Variants in MCUR1 observed in about 807,000 individuals in gnomAD.
MCUR1 encodes the protein mitochondrial calcium uniporter regulator 1, also known as MCU regulator 1.
Under a neutral mutation model 42.0 loss-of-function variants are expected in MCUR1, and 37 were observed. That is an observed-to-expected ratio of 0.88 (90% CI 0.68 to 1.16). The LOEUF (loss-of-function observed/expected upper bound fraction) is 1.16, where lower values mean the gene tolerates loss of function less well. MCUR1 is among the 50% of genes most tolerant of loss of function. The pLI is 0.00. For missense variants in MCUR1, 469 were observed against 468.4 expected (o/e 1.00, Z -0.01); for synonymous variants, 229 against 196.2 (o/e 1.17, Z -1.40).
rs959894652 is a variant in MCUR1 at position 13,809,595 on chromosome 6, C to CT, written c.416-2552dup. On this transcript the variant is annotated intron_variant, in intron 1 of 8. Coordinates refer to ENST00000379170, the MANE Select transcript of MCUR1 (RefSeq NM_001031713.4). ...TTTGGATTTTATGAACTGCTAAAATCTTTTTTTTTTTAATTGGGTCAGGTG... is the reference window on the plus strand; with the variant it reads ...TTTGGATTTTATGAACTGCTAAAATCTTTTTTTTTTTTAATTGGGTCAGGTG... Among the ~76,000 whole-genome samples the CT allele has an allele frequency of 1.6e-4, 23 of 145,584 alleles. No homozygotes were observed. The South Asian group carries it at 2.2e-3, about 14-fold the overall frequency.
intron 1 of MCUR1, among the ~76,000 whole-genome samples, chr6:13,809,238 A>G (rs1445591625): frequency 6.6e-6 from 1 of 152,228 alleles, no homozygotes; most frequent in African/African-American, 2.4e-5. Context: ...ATCAATGAAC[A>G]TGGATGTCTT....
At chr6:13,808,132 C>A (rs966957466) in intron 1 of MCUR1, among the ~76,000 whole-genome samples, 1 of 152,178 alleles carries the variant, frequency 6.6e-6, no homozygotes, top group African/African-American at 2.4e-5. Flanking sequence ...GAGTTTGCCA[C>A]CCCTTCCCCG....
chr6:13,789,660 CTGCA>C lies in MCUR1; in HGVS notation c.*1145_*1148del, dbSNP rs2113448929. The C allele has an allele frequency of 6.6e-6, 1 of 152,304 alleles. No homozygotes were observed. The highest frequency in any genetic ancestry group is 1.9e-4 in the East Asian group (1 of 5,188). The allele number at this position is 152,304 out of a possible 1,614,324, so 9.4% of individuals were successfully genotyped here. On this transcript the variant is annotated 3_prime_UTR_variant, in exon 9 of 9. Transcript: ENST00000379170. ...AGGTATCTTATACATGGAGAGCTGA[CTGCA>C]TCCCTTGTATAAAAAGTAAATGAAG...
At chr6:13,799,941 C>T (rs1759952927) in intron 5 of MCUR1, among the ~76,000 whole-genome samples, 1 of 150,104 alleles carries the variant, frequency 6.7e-6, no homozygotes, top group Non-Finnish European at 1.5e-5. Flanking sequence ...AAGTGATTCT[C>T]CTGCCTCAGT....
Position 13,792,137 on chromosome 6 carries a change from C to T in MCUR1, c.910-145G>A, listed in dbSNP as rs1183503028. 4.6e-6 allele frequency: 3 copies of T among 651,306 alleles called. No homozygotes were observed. In the Admixed American group the frequency reaches 8.8e-5, roughly 19 times the overall value. 40.3% of individuals were successfully genotyped at this position (651,306 alleles called of 1,614,324 possible). A position where few individuals can be genotyped will look rare whatever the true frequency, so the allele number is the denominator to read the frequency against. On this transcript the variant is annotated intron_variant, in intron 7 of 8. Transcript: ENST00000379170. ...TGGGCTTTAGTCTCAGTTCTAAAAC[C>T]CTAATTCTACGCTGCATTGGTCAGG...
At chr6:13,810,284 T>C (rs1158318330) in intron 1 of MCUR1, among the ~76,000 whole-genome samples, 6 of 152,080 alleles carry the variant, frequency 3.9e-5, no homozygotes, top group Non-Finnish European at 8.8e-5. Context: ...CTTTTAAATA[T>C]AGCTGCTTAC....
rs898730701 is a variant in MCUR1, at chr6:13,788,428, C to G, written c.*2381G>C. On this transcript the variant is annotated 3_prime_UTR_variant, in exon 9 of 9. Transcript: ENST00000379170. ...ACTGCAAAGAACTCTATAGCAAAAT[C>G]GAACACCCAAATTAAGTGCCAGAAT... 6.6e-6 allele frequency: 1 copy of G among 152,144 alleles called. No individual in the cohort carries two copies. The highest frequency in any genetic ancestry group is 2.4e-5 in the African/African-American group (1 of 41,424). 9.4% of individuals were successfully genotyped at this position (152,144 alleles called of 1,614,324 possible).
At position 13,801,401 on chromosome 6, in the gene MCUR1, A is replaced by G. The variant is rs770872708; in HGVS notation, c.640-12T>C. ...TGAAAAGTGATTTCCTAGGAAAAGA[A>G]AAACAAAACACATAATCTAGTCTAC... is the stretch of plus-strand genomic sequence containing the variant. On this transcript the variant is annotated splice_polypyrimidine_tract_variant and intron_variant, in intron 3 of 8. Coordinates refer to ENST00000379170, the MANE Select transcript of MCUR1 (RefSeq NM_001031713.4). 1.3e-5 allele frequency: 20 copies of G among 1,568,486 alleles called. No individual in the cohort carries two copies. The highest frequency in any genetic ancestry group is 1.5e-5 in the Non-Finnish European group (17 of 1,143,412).
Position 13,793,965 on chromosome 6 carries a change from C to T in MCUR1, c.856-18G>A, listed in dbSNP as rs1268152000. On this transcript the variant is annotated intron_variant, in intron 6 of 8. Transcript: ENST00000379170. ...AATGAATACTGAAATAAACACGTAA[C>T]ATGGGTCAGATTCTGATCTACTCCT... The T allele has an allele frequency of 6.2e-7, 1 of 1,612,418 alleles. No individual in the cohort carries two copies. Among genetic ancestry groups the T allele is most frequent in the East Asian group, 2.2e-5 (1 of 44,874 alleles).
intron 1 of MCUR1, among the ~76,000 whole-genome samples, chr6:13,813,655 C>G (rs1269583727): frequency 6.6e-6 from 1 of 152,214 alleles, no homozygotes; most frequent in African/African-American, 2.4e-5. Flanking sequence ...AACATACACA[C>G]CCCTTCCCCT....
intron 2 of MCUR1, chr6:13,803,940 T>C: frequency 1.1e-6 from 1 of 948,008 alleles, no homozygotes; most frequent in Non-Finnish European, 1.3e-6. Context: ...AGAACCAGCA[T>C]GGGCAACATA....
At chr6:13,811,333 T>C (rs891083684) in intron 1 of MCUR1, among the ~76,000 whole-genome samples, 4 of 152,136 alleles carry the variant, frequency 2.6e-5, no homozygotes, top group Non-Finnish European at 5.9e-5. Flanking sequence ...TACAGCAGGC[T>C]AGGAATAATT....
At chr6:13,792,993 A>G (rs74531205) in intron 7 of MCUR1, among the ~76,000 whole-genome samples, 3,522 of 152,076 alleles carry the variant, frequency 0.023, 44 homozygotes, top group Middle Eastern at 0.068. Flanking sequence ...TAAGAAAAAC[A>G]AACTCTCAAG....
At chr6:13,808,803 G>C (rs1009372666) in intron 1 of MCUR1, among the ~76,000 whole-genome samples, 1 of 152,146 alleles carries the variant, frequency 6.6e-6, no homozygotes, top group African/African-American at 2.4e-5. Context: ...TCAGTGGGCT[G>C]TAAGCATGAG....
intron 1 of MCUR1, among the ~76,000 whole-genome samples, chr6:13,811,979 C>T (rs1034536204): frequency 2.0e-5 from 3 of 152,112 alleles, no homozygotes; most frequent in Non-Finnish European, 2.9e-5. Flanking sequence ...ATTGGTCACT[C>T]CAACCCCTGA....
At chr6:13,803,135 C>G (rs554888648) in intron 2 of MCUR1, among the ~76,000 whole-genome samples, 1 of 152,166 alleles carries the variant, frequency 6.6e-6, no homozygotes, top group Admixed American at 6.5e-5. Flanking sequence ...GATCTCAGCT[C>G]ACAGCAACCT....
intron 1 of MCUR1, among the ~76,000 whole-genome samples, chr6:13,812,517 T>C (rs1367398220): frequency 1.3e-5 from 2 of 152,210 alleles, no homozygotes; most frequent in Admixed American, 1.3e-4. Flanking sequence ...TGGAAATTAC[T>C]AGCTTGTCAG....
chr6:13,807,732 A>G (rs1760142490), intron 1 of MCUR1, among the ~76,000 whole-genome samples: 1 of 151,738 alleles, frequency 6.6e-6, no homozygotes, highest in African/African-American at 2.4e-5. Flanking sequence ...ACCATTTTAC[A>G]CTCCTTCTAG....
chr6:13,793,766 C>T (rs1759789024), intron 7 of MCUR1, 128 bp downstream of exon 7: 2 of 748,544 alleles, frequency 2.7e-6, no homozygotes, highest in Non-Finnish European at 4.5e-6. Context: ...TGTATTTTAG[C>T]ACAATGTAAA....
Sources: gnomAD v4.1 joint callset for allele counts (sites outside exome capture counted in the v4.1 genomes callset) on GRCh38, gnomAD v4.1.1 for gene constraint, MANE v1.5 for transcripts, NCBI Gene and HGNC (gene_info 2026-07-23, HGNC 2026-07-21) for gene names.